The following ENPP1 variants were observed in gnomAD, a reference collection of about 807,000 sequenced individuals.
ENPP1 encodes the protein ectonucleotide pyrophosphatase/phosphodiesterase 1.
ENPP1 carries 73 observed loss-of-function variants against 122.8 expected under a neutral mutation model. That is an observed-to-expected ratio of 0.59 (90% CI 0.49 to 0.72). The LOEUF (loss-of-function observed/expected upper bound fraction) is 0.72, where lower values mean the gene tolerates loss of function less well. Among genes scored for constraint, ENPP1 ranks in the 30% least tolerant of loss-of-function variants. ENPP1 has a pLI of 0.00. For synonymous variants in ENPP1, 367 were observed against 391.6 expected (o/e 0.94, Z 0.74); for missense variants, 978 against 1,128.1 (o/e 0.87, Z 1.91).
intron 6 of ENPP1, among the ~76,000 whole-genome samples, chr6:131,858,089 C>T (rs560554828): frequency 6.6e-6 from 1 of 152,180 alleles, no homozygotes; most frequent in East Asian, 1.9e-4. Flanking sequence ...GTTATGTGTT[C>T]CCTCCTCAAT....
At chr6:131,831,271 A>G (rs1046166604) in intron 1 of ENPP1, among the ~76,000 whole-genome samples, 4 of 152,090 alleles carry the variant, frequency 2.6e-5, no homozygotes, top group African/African-American at 9.6e-5. Context: ...GAATAGTTCT[A>G]GATTTACAGA....
intron 1 of ENPP1, among the ~76,000 whole-genome samples, chr6:131,815,127 A>G (rs1185364976): frequency 1.3e-5 from 2 of 152,316 alleles, no homozygotes; most frequent in East Asian, 3.9e-4. Context: ...GGAGATAGTG[A>G]AGGAACAGAA....
intron 8 of ENPP1, among the ~76,000 whole-genome samples, chr6:131,860,879 G>T (rs937861461): frequency 1.3e-5 from 2 of 152,012 alleles, no homozygotes. Context: ...TTCCAATTGT[G>T]ATCTCCAATT....
intron 1 of ENPP1, among the ~76,000 whole-genome samples, chr6:131,836,537 A>G (rs576358747): frequency 4.7e-4 from 71 of 152,336 alleles, no homozygotes; most frequent in African/African-American, 1.6e-3. Context: ...GATAAAATCT[A>G]TTAAACTCAG....
chr6:131,844,932 G>A (rs1238668539), intron 1 of ENPP1, among the ~76,000 whole-genome samples: 1 of 150,216 alleles, frequency 6.7e-6, no homozygotes, highest in Non-Finnish European at 1.5e-5. Context: ...CCAAGGCACA[G>A]AAAATATTCT....
chr6:131,853,599 C>G (rs1458008547), intron 5 of ENPP1, among the ~76,000 whole-genome samples: 2 of 152,038 alleles, frequency 1.3e-5, no homozygotes, highest in African/African-American at 2.4e-5. Flanking sequence ...CTCAGTGGAG[C>G]TATGTTACAG....
chr6:131,853,926 C>A (rs1368173228), intron 5 of ENPP1, among the ~76,000 whole-genome samples: 1 of 152,046 alleles, frequency 6.6e-6, no homozygotes, highest in Non-Finnish European at 1.5e-5. Context: ...TGGTTTTTGG[C>A]CTCCTTTTTG....
At chr6:131,887,394 A>AT (rs35908580) in intron 24 of ENPP1, among the ~76,000 whole-genome samples, 10,139 of 139,058 alleles carry the variant, frequency 0.073, 737 homozygotes, top group African/African-American at 0.2. Context: ...CATTTTAGCA[A>AT]TTTTTTTTTT....
intron 1 of ENPP1, among the ~76,000 whole-genome samples, chr6:131,814,492 A>G (rs919573120): frequency 6.6e-6 from 1 of 152,224 alleles, no homozygotes; most frequent in Non-Finnish European, 1.5e-5. Context: ...CATAGATTCA[A>G]GTTGCCCTGA....
chr6:131,815,580 C>T (rs185782274), intron 1 of ENPP1, among the ~76,000 whole-genome samples: 66 of 152,310 alleles, frequency 4.3e-4, no homozygotes, highest in African/African-American at 1.5e-3. Flanking sequence ...CCCATCATAT[C>T]CTAATCATGA....
chr6:131,884,707 T>C (rs1172189499), intron 22 of ENPP1, among the ~76,000 whole-genome samples: 1 of 152,146 alleles, frequency 6.6e-6, no homozygotes, highest in East Asian at 1.9e-4. Context: ...CCCAGGAGTT[T>C]GAGGCTGCAG....
intron 1 of ENPP1, 64 bp from the exon 2 acceptor site, chr6:131,847,712 T>TA: frequency 8.3e-7 from 1 of 1,203,296 alleles, no homozygotes; most frequent in South Asian, 1.3e-5. Context: ...TCTCTAAAAA[T>TA]AAAAAATAAG....
In ENPP1 at chr6:131,894,504, C is replaced by G. The variant is rs1782521221; in HGVS notation, c.*3993C>G. ...GTGTTGCTCAGGCTGGTCTTGATCT[C>G]CTGAGCTCAGACAATCCCCCCGCCT... is the stretch of plus-strand genomic sequence containing the variant. On this transcript the variant is annotated 3_prime_UTR_variant, in exon 25 of 25. Coordinates refer to ENST00000647893, the MANE Select transcript of ENPP1 (RefSeq NM_006208.3). 6.6e-6 allele frequency: 1 copy of G among 152,064 alleles called. No homozygotes were observed. The highest frequency in any genetic ancestry group is 1.5e-5 in the Non-Finnish European group (1 of 68,126). The allele number at this position is 152,064 out of a possible 1,614,324, so 9.4% of individuals were successfully genotyped here.
intron 1 of ENPP1, among the ~76,000 whole-genome samples, chr6:131,839,150 G>A (rs1406625734): frequency 6.6e-6 from 1 of 152,176 alleles, no homozygotes; most frequent in Admixed American, 6.5e-5. Context: ...TTGCAGTGAT[G>A]TGAATCGGTA....
chr6:131,848,680 GA>G (rs1455238889), intron 2 of ENPP1, among the ~76,000 whole-genome samples: 19 of 152,116 alleles, frequency 1.2e-4, no homozygotes, highest in African/African-American at 4.6e-4. Flanking sequence ...AGCATGAAGT[GA>G]TTCACTCCTG....
At chr6:131,828,218 GGT>G (rs2114667525) in intron 1 of ENPP1, 1 of 563,172 alleles carries the variant, frequency 1.8e-6, no homozygotes, top group African/African-American at 1.9e-5. Flanking sequence ...TCCAAGGCAT[GGT>G]GCAATGATTG....
At chr6:131,831,217 G>C (rs858335) in intron 1 of ENPP1, among the ~76,000 whole-genome samples, 45,658 of 150,136 alleles carry the variant, frequency 0.3, 7,026 homozygotes, top group Middle Eastern at 0.36. Context: ...GCCTGTTTCT[G>C]TTTTCTCTTT....
chr6:131,876,996 A>C lies in ENPP1; in HGVS notation c.1728A>C (p.Leu576Phe). 1 of 1,613,982 alleles carries C rather than the reference A, an allele frequency of 6.2e-7. No individual in the cohort carries two copies. Among genetic ancestry groups the C allele is most frequent in the Non-Finnish European group, 8.5e-7 (1 of 1,179,852 alleles). Residue 576 changes from leucine (L) to phenylalanine (F), a missense_variant, in exon 18 of 25, where the codon TTA becomes TTC. Coordinates refer to ENST00000647893, the MANE Select transcript of ENPP1 (RefSeq NM_006208.3). ...NIEVYNLMCD[L>F]LNLTPAPNNG... The stretch of plus-strand genomic sequence containing the variant: ...TACCATCTTGAAATTATGCAGATTT[A>C]CTGAATTTGACACCGGCTCCTAATA...
At chr6:131,811,376 A>ATATATC (rs56938500) in intron 1 of ENPP1, among the ~76,000 whole-genome samples, 21,783 of 131,082 alleles carry the variant, frequency 0.17, 1,976 homozygotes, top group Non-Finnish European at 0.19. Flanking sequence ...ATCTATATCT[A>ATATATC]TATATCTATA....
Sources: allele counts gnomAD v4.1 joint callset (sites outside exome capture counted in the v4.1 genomes callset), GRCh38; gene constraint gnomAD v4.1.1; transcripts MANE v1.5; gene names NCBI Gene and HGNC (gene_info 2026-07-23, HGNC 2026-07-21).